Variants in LRMDA observed in about 807,000 individuals in gnomAD.
LRMDA encodes leucine-rich melanocyte differentiation-associated protein.
LRMDA carries 18 observed loss-of-function variants against 29.8 expected under a neutral mutation model. The observed-to-expected ratio is 0.60, with a 90% CI of 0.42 to 0.90. The LOEUF (loss-of-function observed/expected upper bound fraction) is 0.90. Ranked by LOEUF, LRMDA falls within the 40% of genes least tolerant of loss-of-function variation. The probability of loss-of-function intolerance (pLI) is 0.00; values close to 1 mark genes in which losing one functional copy is unlikely to be tolerated. For synonymous variants in LRMDA, 125 were observed against 109.4 expected (o/e 1.14, Z -0.89); for missense variants, 273 against 273.9 (o/e 1.00, Z 0.02).
At chr10:75,976,223 G>A (rs1160379284) in intron 2 of LRMDA, among the ~76,000 whole-genome samples, 2 of 152,232 alleles carry the variant, frequency 1.3e-5, no homozygotes, top group Non-Finnish European at 2.9e-5. Context: ...GCCTTGTGTG[G>A]TCACTCAAAA....
intron 6 of LRMDA, among the ~76,000 whole-genome samples, chr10:76,395,824 G>A (rs1020143408): frequency 2.0e-5 from 3 of 152,194 alleles, no homozygotes; most frequent in African/African-American, 7.2e-5. Context: ...AGAAATAATT[G>A]TATTTCTAAA....
At position 76,478,373 on chromosome 10, in the gene LRMDA, C is replaced by T. The variant is rs1265193222; in HGVS notation, c.602-78836C>T. Among the ~76,000 whole-genome samples the T allele has an allele frequency of 7.2e-5, 11 of 152,104 alleles. No individual in the cohort carries two copies. The East Asian group carries it at 1.9e-3, about 27-fold the overall frequency. ...TACCATCTCACACCAGTTCGAATGT[C>T]GATCATTAAAAAGTCAGGAAACAAC... is the stretch of plus-strand genomic sequence containing the variant. On this transcript the variant is annotated intron_variant, in intron 6 of 6. Coordinates refer to ENST00000611255, the MANE Select transcript of LRMDA (RefSeq NM_001305581.2).
chr10:76,431,438 C>T (rs1842189937), intron 6 of LRMDA, among the ~76,000 whole-genome samples: 1 of 152,180 alleles, frequency 6.6e-6, no homozygotes, highest in Non-Finnish European at 1.5e-5. Flanking sequence ...CAGAGTTAGA[C>T]TGCATAAGTT....
At chr10:76,006,457 A>G (rs1419263314) in intron 2 of LRMDA, among the ~76,000 whole-genome samples, 11 of 152,180 alleles carry the variant, frequency 7.2e-5, no homozygotes, top group Admixed American at 2.0e-4. Flanking sequence ...TAAGAAACCA[A>G]GTAAACTAAC....
chr10:76,436,330 G>T (rs1842244493), intron 6 of LRMDA, among the ~76,000 whole-genome samples: 1 of 152,218 alleles, frequency 6.6e-6, no homozygotes, highest in Non-Finnish European at 1.5e-5. Context: ...ATTGTCATTG[G>T]ACTGTAAATG....
chr10:76,160,896 T>C (rs139919308), intron 5 of LRMDA, among the ~76,000 whole-genome samples: 54 of 152,286 alleles, frequency 3.5e-4, no homozygotes, highest in African/African-American at 1.3e-3. Flanking sequence ...GAGGTGTATC[T>C]AAGATTTCTT....
chr10:75,903,261 T>G (rs183567955), intron 2 of LRMDA, among the ~76,000 whole-genome samples: 3 of 152,348 alleles, frequency 2.0e-5, no homozygotes, highest in Admixed American at 2.0e-4. Flanking sequence ...AAACTAATCA[T>G]GACATCTGGG....
chr10:76,389,033 G>T (rs1479630497), intron 6 of LRMDA, among the ~76,000 whole-genome samples: 1 of 152,180 alleles, frequency 6.6e-6, no homozygotes, highest in Non-Finnish European at 1.5e-5. Flanking sequence ...AGGGAGCAGG[G>T]AGTAGATAAA....
At chr10:75,584,995 A>G (rs1469352339) in intron 2 of LRMDA, among the ~76,000 whole-genome samples, 1 of 152,238 alleles carries the variant, frequency 6.6e-6, no homozygotes, top group Non-Finnish European at 1.5e-5. Flanking sequence ...GACATAGAAC[A>G]TACATCCAAA....
chr10:76,160,809 T>G (rs1231293686), intron 5 of LRMDA, among the ~76,000 whole-genome samples: 1 of 152,172 alleles, frequency 6.6e-6, no homozygotes, highest in Non-Finnish European at 1.5e-5. Context: ...AATTATTTTC[T>G]TACTGGAGGA....
intron 6 of LRMDA, among the ~76,000 whole-genome samples, chr10:76,380,928 A>G (rs1049964020): frequency 1.3e-5 from 2 of 151,620 alleles, no homozygotes; most frequent in Non-Finnish European, 2.9e-5. Flanking sequence ...AATAATAAAT[A>G]ATTTCAAATA....
intron 6 of LRMDA, among the ~76,000 whole-genome samples, chr10:76,384,840 C>G (rs1263509371): frequency 6.6e-6 from 1 of 152,174 alleles, no homozygotes; most frequent in East Asian, 1.9e-4. Flanking sequence ...TTTTATAATT[C>G]TTCTAGGTCT....
At chr10:75,842,951 G>A (rs2132302651) in intron 2 of LRMDA, among the ~76,000 whole-genome samples, 1 of 152,250 alleles carries the variant, frequency 6.6e-6, no homozygotes, top group Non-Finnish European at 1.5e-5. Flanking sequence ...AGCCCTGGAG[G>A]TCAAGGCTGC....
At chr10:76,536,772 C>T (rs1003691096) in intron 6 of LRMDA, among the ~76,000 whole-genome samples, 1 of 152,114 alleles carries the variant, frequency 6.6e-6, no homozygotes, top group Non-Finnish European at 1.5e-5. Flanking sequence ...TGGTTACCGC[C>T]AGATGGATCC....
At chr10:76,366,368 C>T (rs992894267) in intron 6 of LRMDA, among the ~76,000 whole-genome samples, 2 of 152,160 alleles carry the variant, frequency 1.3e-5, no homozygotes, top group African/African-American at 2.4e-5. Context: ...TCTACCCATC[C>T]ATGAGCATGG....
intron 2 of LRMDA, among the ~76,000 whole-genome samples, chr10:75,908,819 C>G (rs969317049): frequency 6.6e-6 from 1 of 152,158 alleles, no homozygotes; most frequent in African/African-American, 2.4e-5. Context: ...GAGGCATAGG[C>G]AATGGCAGAG....
At chr10:75,586,127 A>G (rs1245926411) in intron 2 of LRMDA, among the ~76,000 whole-genome samples, 1 of 152,114 alleles carries the variant, frequency 6.6e-6, no homozygotes, top group African/African-American at 2.4e-5. Flanking sequence ...TACTGCTGCA[A>G]TGAACATAAG....
intron 6 of LRMDA, among the ~76,000 whole-genome samples, chr10:76,549,664 G>C (rs1186028793): frequency 2.0e-5 from 3 of 152,060 alleles, no homozygotes; most frequent in Non-Finnish European, 4.4e-5. Context: ...GCTAAGAAAT[G>C]AATAAAAACT....
chr10:75,509,416 TG>T (rs1347806585), intron 2 of LRMDA, among the ~76,000 whole-genome samples: 1 of 152,078 alleles, frequency 6.6e-6, no homozygotes, highest in Non-Finnish European at 1.5e-5. Context: ...TTTTGTATGA[TG>T]TGACATGTGC....
Sources: gnomAD v4.1 joint callset for allele counts (sites outside exome capture counted in the v4.1 genomes callset) on GRCh38, gnomAD v4.1.1 for gene constraint, MANE v1.5 for transcripts, NCBI Gene and HGNC (gene_info 2026-07-23, HGNC 2026-07-21) for gene names.